The following SPOCK1 variants were observed in gnomAD, a reference collection of about 807,000 sequenced individuals.
SPOCK1 encodes testican-1.
A neutral mutation model predicts 55.3 loss-of-function variants in SPOCK1; 23 were observed. The ratio of observed to expected loss-of-function variants is 0.42; its 90% CI spans 0.30 to 0.59. SPOCK1 has a LOEUF of 0.59. Ranked by LOEUF, SPOCK1 falls within the 20% of genes least tolerant of loss-of-function variation. SPOCK1 has a pLI of 0.22. For missense variants in SPOCK1, 499 were observed against 552.5 expected, an observed-to-expected ratio of 0.90 and a Z score of 0.97; for synonymous variants, 226 against 221.0, an observed-to-expected ratio of 1.02 and a Z score of -0.20.
chr5:137,097,697 C>T (rs17600276), intron 5 of SPOCK1, among the ~76,000 whole-genome samples: 27,854 of 152,186 alleles, frequency 0.18, 2,725 homozygotes, highest in Non-Finnish European at 0.21. Flanking sequence ...TCTGATTTCA[C>T]TAACAAAAAC....
intron 3 of SPOCK1, among the ~76,000 whole-genome samples, chr5:137,262,189 T>C (rs1756753993): frequency 6.6e-6 from 1 of 152,224 alleles, no homozygotes; most frequent in Non-Finnish European, 1.5e-5. Context: ...ACAACAGCTT[T>C]GTGGTTCAAT....
intron 2 of SPOCK1, among the ~76,000 whole-genome samples, chr5:137,429,717 C>T (rs1390575004): frequency 6.6e-6 from 1 of 152,250 alleles, no homozygotes; most frequent in Non-Finnish European, 1.5e-5. Flanking sequence ...TCTTAATCCA[C>T]AGTTCAATCC....
intron 3 of SPOCK1, among the ~76,000 whole-genome samples, chr5:137,246,658 G>A (rs892616): frequency 0.067 from 10,245 of 152,214 alleles, 1,054 homozygotes; most frequent in African/African-American, 0.23. Flanking sequence ...GGACAGTGTG[G>A]CCTGAGGGGT....
At chr5:137,133,124 C>T (rs1237176002) in intron 4 of SPOCK1, among the ~76,000 whole-genome samples, 1 of 152,150 alleles carries the variant, frequency 6.6e-6, no homozygotes, top group South Asian at 2.1e-4. Flanking sequence ...AATCCCAGCA[C>T]TTTAGGAGGC....
At chr5:137,275,753 G>T (rs751619907) in intron 2 of SPOCK1, among the ~76,000 whole-genome samples, 2 of 152,190 alleles carry the variant, frequency 1.3e-5, no homozygotes, top group African/African-American at 2.4e-5. Flanking sequence ...AGAGTCTCCA[G>T]CTCATTAGAC....
At chr5:137,384,563 C>CAT (rs368458010) in intron 2 of SPOCK1, among the ~76,000 whole-genome samples, 3,216 of 133,406 alleles carry the variant, frequency 0.024, 99 homozygotes, top group African/African-American at 0.077. Flanking sequence ...TACATACATA[C>CAT]ATATATATAT....
intron 2 of SPOCK1, among the ~76,000 whole-genome samples, chr5:137,476,034 GTTT>G (rs5871643): frequency 6.8e-6 from 1 of 147,956 alleles, no homozygotes; most frequent in African/African-American, 2.5e-5. Flanking sequence ...CAAATTATAG[GTTT>G]TTTTTTTTTT....
At chr5:137,324,353 G>A (rs1001749396) in intron 2 of SPOCK1, among the ~76,000 whole-genome samples, 1 of 152,094 alleles carries the variant, frequency 6.6e-6, no homozygotes, top group African/African-American at 2.4e-5. Flanking sequence ...GCTGAGGCAG[G>A]AGAGTCGCTT....
At chr5:137,118,608 C>T (rs1224965121) in intron 4 of SPOCK1, among the ~76,000 whole-genome samples, 2 of 152,160 alleles carry the variant, frequency 1.3e-5, no homozygotes, top group Admixed American at 6.6e-5. Context: ...GGTGGCAAGA[C>T]AGAGTAATTT....
chr5:137,130,164 G>GC (rs907979795), intron 4 of SPOCK1, among the ~76,000 whole-genome samples: 10 of 152,034 alleles, frequency 6.6e-5, no homozygotes, highest in African/African-American at 9.7e-5. Flanking sequence ...TTTTACCTTT[G>GC]CCCCCTGCAA....
At chr5:136,980,161 A>ACTAT (rs543520438) in intron 9 of SPOCK1, among the ~76,000 whole-genome samples, 10 of 144,332 alleles carry the variant, frequency 6.9e-5, no homozygotes, top group Non-Finnish European at 1.5e-4. Flanking sequence ...TGTTGCTATT[A>ACTAT]CTATCTCCCT....
chr5:137,248,013 T>C (rs1756430852), intron 3 of SPOCK1, among the ~76,000 whole-genome samples: 1 of 152,176 alleles, frequency 6.6e-6, no homozygotes, highest in Admixed American at 6.5e-5. Flanking sequence ...ACAAACAAAC[T>C]TATCTAAAAT....
At chr5:137,095,922 C>T (rs1753137543) in intron 5 of SPOCK1, among the ~76,000 whole-genome samples, 1 of 149,338 alleles carries the variant, frequency 6.7e-6, no homozygotes, top group Non-Finnish European at 1.5e-5. Flanking sequence ...CTCAGGAACC[C>T]TCATTCCCTC....
chr5:137,035,574 T>C (rs1002202276), intron 6 of SPOCK1, among the ~76,000 whole-genome samples: 10 of 152,300 alleles, frequency 6.6e-5, no homozygotes, highest in African/African-American at 2.4e-4. Context: ...AAGGATGGCC[T>C]GTCTGCCAGA....
At chr5:137,152,746 A>G (rs1580778663) in intron 3 of SPOCK1, among the ~76,000 whole-genome samples, 1 of 152,026 alleles carries the variant, frequency 6.6e-6, no homozygotes, top group Non-Finnish European at 1.5e-5. Context: ...TGTGGTTCCC[A>G]TTTCCTGCCA....
At chr5:137,127,054 G>A (rs1753794278) in intron 4 of SPOCK1, among the ~76,000 whole-genome samples, 1 of 152,202 alleles carries the variant, frequency 6.6e-6, no homozygotes, top group South Asian at 2.1e-4. Flanking sequence ...GATCTAGAGA[G>A]AATGCCAAGG....
chr5:137,303,171 G>C (rs1757636130), intron 2 of SPOCK1, among the ~76,000 whole-genome samples: 1 of 152,074 alleles, frequency 6.6e-6, no homozygotes, highest in South Asian at 2.1e-4. Context: ...AAGCATTTTT[G>C]AGTGGGGGTT....
intron 2 of SPOCK1, among the ~76,000 whole-genome samples, chr5:137,269,844 C>G (rs1424703647): frequency 6.6e-6 from 1 of 152,112 alleles, no homozygotes; most frequent in Non-Finnish European, 1.5e-5. Context: ...TGGTCCTGAA[C>G]CAACACCCTA....
rs34720226 is a variant in SPOCK1, at chr5:137,063,239, CAA to C, written c.589+4474_589+4475del. ...TGGGCGACAGAGCGAGACTCCATCT[CAA>C]AAAAAAAAAAAAAAAAGAAAGAAAT... On this transcript the variant is annotated intron_variant, in intron 6 of 10. Coordinates refer to ENST00000394945, the MANE Select transcript of SPOCK1 (RefSeq NM_004598.4). Among the ~76,000 whole-genome samples, 166 of 100,256 alleles carry C rather than the reference CAA, an allele frequency of 1.7e-3. 2 individuals are homozygous for C. Among genetic ancestry groups the C allele is most frequent in the South Asian group, 0.012 (40 of 3,282 alleles). The allele number at this position is 100,256 out of a possible 152,430, so 65.8% of individuals were successfully genotyped here. A position where few individuals can be genotyped will look rare whatever the true frequency, so the allele number is the denominator to read the frequency against.
Sources: gnomAD v4.1 joint callset for allele counts (sites outside exome capture counted in the v4.1 genomes callset) on GRCh38, gnomAD v4.1.1 for gene constraint, MANE v1.5 for transcripts, NCBI Gene and HGNC (gene_info 2026-07-23, HGNC 2026-07-21) for gene names.